CAPN13: variants seen among roughly 807,000 people sequenced by gnomAD.
The protein encoded by CAPN13 is calpain-13.
In CAPN13, 90 loss-of-function variants were observed where a neutral mutation model predicts 98.4. That is an observed-to-expected ratio of 0.92 (90% CI 0.77 to 1.09). CAPN13 has a LOEUF of 1.09. Among genes scored for constraint, CAPN13 ranks in the 50% least tolerant of loss-of-function variants. The pLI, the probability that CAPN13 is intolerant of heterozygous loss-of-function variation, is 0.00. For missense variants in CAPN13, 887 were observed against 841.3 expected, an observed-to-expected ratio of 1.05 and a Z score of -0.67; for synonymous variants, 330 against 305.5, an observed-to-expected ratio of 1.08 and a Z score of -0.84.
chr2:30,779,903 A>G (rs1218446338), intron 2 of CAPN13, among the ~76,000 whole-genome samples: 1 of 152,146 alleles, frequency 6.6e-6, no homozygotes, highest in Non-Finnish European at 1.5e-5. Context: ...GCACCAACCT[A>G]ATATTTGAGG....
chr2:30,766,307 G>A (rs993282339), intron 5 of CAPN13, among the ~76,000 whole-genome samples: 13 of 152,176 alleles, frequency 8.5e-5, no homozygotes, highest in Non-Finnish European at 1.8e-4. Context: ...CACAGCATCC[G>A]GCAGTCACCT....
chr2:30,775,786 C>A (rs536087491), intron 4 of CAPN13, 144 bp downstream of exon 4: 3 of 460,658 alleles, frequency 6.5e-6, no homozygotes, highest in African/African-American at 6.0e-5. Context: ...AGCTTGAATC[C>A]TTTTTTTGAA....
intron 8 of CAPN13, among the ~76,000 whole-genome samples, chr2:30,756,027 G>C (rs1572823976): frequency 6.6e-6 from 1 of 152,180 alleles, no homozygotes; most frequent in South Asian, 2.1e-4. Flanking sequence ...CTTCCTTCCA[G>C]CCTGGTTTCT....
intron 20 of CAPN13, 62 bp from the exon 21 acceptor site, chr2:30,731,461 G>C (rs1411448617): frequency 6.8e-7 from 1 of 1,470,578 alleles, no homozygotes; most frequent in Middle Eastern, 1.8e-4. Flanking sequence ...CAGTTCAGGG[G>C]AGGCAGGCCT....
Position 30,800,149 on chromosome 2 carries a change from AAAGAAAGAAAGAAAG to A in CAPN13, c.-33+7138_-33+7152del, listed in dbSNP as rs1428436677. Among the ~76,000 whole-genome samples, 7 of 148,908 alleles carry A rather than the reference AAAGAAAGAAAGAAAG, an allele frequency of 4.7e-5. 1 individual carries two copies. Among genetic ancestry groups the A allele is most frequent in the African/African-American group, 1.8e-4 (7 of 39,326 alleles). Reference sequence around the variant, plus strand: ...GAAAGAAAGAAAGAAAGAAAGAAAGAAAGAAAGAAAGAAAGAAAGAAAGAAAGAAAGAAAGAAAGA... The same window carrying A: ...GAAAGAAAGAAAGAAAGAAAGAAAGAAAAGAAAGAAAGAAAGAAAGAAAGA... On this transcript the variant is annotated intron_variant, in intron 1 of 22. Transcript: ENST00000295055.
intron 7 of CAPN13, among the ~76,000 whole-genome samples, chr2:30,758,354 C>A (rs141607115): frequency 1.3e-5 from 2 of 152,232 alleles, no homozygotes; most frequent in Non-Finnish European, 2.9e-5. Flanking sequence ...CCCCTCATTC[C>A]GCTCAGCCCC....
intron 12 of CAPN13, among the ~76,000 whole-genome samples, chr2:30,744,878 G>C (rs1019427046): frequency 6.6e-6 from 1 of 152,150 alleles, no homozygotes; most frequent in Admixed American, 6.5e-5. Flanking sequence ...CCAGCTCTGG[G>C]ACCTGAGACG....
intron 22 of CAPN13, among the ~76,000 whole-genome samples, chr2:30,723,727 G>C (rs552863284): frequency 1.3e-5 from 2 of 152,128 alleles, no homozygotes; most frequent in African/African-American, 4.8e-5. Flanking sequence ...AGTGACATTC[G>C]TGCATAGTCA....
At chr2:30,749,869 G>A (rs1672088132) in intron 11 of CAPN13, among the ~76,000 whole-genome samples, 1 of 152,054 alleles carries the variant, frequency 6.6e-6, no homozygotes, top group African/African-American at 2.4e-5. Flanking sequence ...GGAATAGCAG[G>A]GAGTAGAGAG....
At chr2:30,726,176 C>T (rs1255376884) in intron 22 of CAPN13, among the ~76,000 whole-genome samples, 3 of 152,182 alleles carry the variant, frequency 2.0e-5, no homozygotes. Context: ...GCAGAGAATA[C>T]TGACATCAAG....
intron 5 of CAPN13, among the ~76,000 whole-genome samples, 197 bp from the exon 6 acceptor site, chr2:30,764,503 T>C (rs1175315224): frequency 6.6e-6 from 1 of 152,166 alleles, no homozygotes; most frequent in African/African-American, 2.4e-5. Flanking sequence ...TACCATCCTC[T>C]GTACCTTCCT....
chr2:30,771,704 G>A (rs898552693), intron 4 of CAPN13, among the ~76,000 whole-genome samples: 8 of 152,200 alleles, frequency 5.3e-5, no homozygotes, highest in Non-Finnish European at 1.2e-4. Flanking sequence ...TAATTGGGTG[G>A]CAGCATATAG....
intron 12 of CAPN13, among the ~76,000 whole-genome samples, chr2:30,744,261 T>C (rs1277969462): frequency 5.9e-5 from 9 of 152,202 alleles, no homozygotes; most frequent in Admixed American, 5.9e-4. Context: ...TTATGAGCTA[T>C]GCCTTGCAGG....
Position 30,738,428 on chromosome 2 carries a change from C to T in CAPN13, c.1566G>A (p.Gln522=). 1 of 1,607,296 alleles carries T rather than the reference C, an allele frequency of 6.2e-7. No individual in the cohort carries two copies. The highest frequency in any genetic ancestry group is 1.1e-5 in the South Asian group (1 of 89,688). ...QRLDIDATQL[Q]GLLNQELLTG... Reference sequence around the variant, plus strand: ...TTAGAAGCTCCTGGTTGAGAAGGCCCTGAAGCTGGGTGGCATCAATGTCCA... The same window carrying T: ...TTAGAAGCTCCTGGTTGAGAAGGCCTTGAAGCTGGGTGGCATCAATGTCCA... Residue 522 remains glutamine (Q), a synonymous_variant, in exon 16 of 23, where the codon CAG becomes CAA. Transcript: ENST00000295055.
At chr2:30,726,678 T>G (rs72865496) in intron 22 of CAPN13, among the ~76,000 whole-genome samples, 135 of 152,228 alleles carry the variant, frequency 8.9e-4, no homozygotes, top group African/African-American at 3.1e-3. Context: ...GTGTAAGACT[T>G]CTACACTGAA....
chr2:30,751,388 C>A, intron 10 of CAPN13, 137 bp from the exon 11 acceptor site: 1 of 846,408 alleles, frequency 1.2e-6, no homozygotes. Flanking sequence ...ATCCCAATCC[C>A]CACAGTTACT....
chr2:30,766,945 G>C (rs1235185543), intron 5 of CAPN13, among the ~76,000 whole-genome samples: 1 of 152,226 alleles, frequency 6.6e-6, no homozygotes, highest in Non-Finnish European at 1.5e-5. Flanking sequence ...CACCCTTGGA[G>C]GGAAGAGGTC....
intron 4 of CAPN13, among the ~76,000 whole-genome samples, chr2:30,775,267 A>G (rs556264863): frequency 6.6e-6 from 1 of 152,322 alleles, no homozygotes; most frequent in Admixed American, 6.5e-5. Flanking sequence ...CCACAAAATC[A>G]TAAAATGTTT....
chr2:30,800,182 AAG>A (rs1491455618), intron 1 of CAPN13, among the ~76,000 whole-genome samples: 5 of 150,748 alleles, frequency 3.3e-5, no homozygotes, highest in Admixed American at 6.6e-5. Context: ...GAAAGAAAGA[AAG>A]AAAGAAAACT....
Sources: gnomAD v4.1 joint callset for allele counts (sites outside exome capture counted in the v4.1 genomes callset) on GRCh38, gnomAD v4.1.1 for gene constraint, MANE v1.5 for transcripts, NCBI Gene and HGNC (gene_info 2026-07-23, HGNC 2026-07-21) for gene names.